TRAF1: variants seen among roughly 807,000 people sequenced by gnomAD.
TRAF1 encodes TNF receptor-associated factor 1.
A neutral mutation model predicts 40.9 loss-of-function variants in TRAF1; 23 were observed. The ratio of observed to expected loss-of-function variants is 0.56; its 90% CI spans 0.40 to 0.80. TRAF1 has a LOEUF of 0.80. Among genes scored for constraint, TRAF1 ranks in the 30% least tolerant of loss-of-function variants. TRAF1 has a pLI of 0.00. For missense variants in TRAF1, 477 were observed against 528.7 expected (o/e 0.90, Z 0.96); for synonymous variants, 206 against 218.8 (o/e 0.94, Z 0.52).
At chr9:120,910,106 G>A (rs933227273) in intron 6 of TRAF1, among the ~76,000 whole-genome samples, 14 of 152,340 alleles carry the variant, frequency 9.2e-5, no homozygotes, top group African/African-American at 2.2e-4. Context: ...CTGGCAGAGC[G>A]CCCTTCTGGG....
intron 3 of TRAF1, among the ~76,000 whole-genome samples, chr9:120,921,138 G>C (rs942933769): frequency 3.9e-5 from 6 of 152,264 alleles, no homozygotes; most frequent in Middle Eastern, 6.8e-3. Context: ...ATTAAAGAAG[G>C]CTTCTTTGCT....
In TRAF1 at chr9:120,926,267, G is replaced by T; in HGVS notation, c.-192C>A. The T allele has an allele frequency of 1.9e-6, 1 of 525,166 alleles. No homozygotes were observed. Among genetic ancestry groups the T allele is most frequent in the Non-Finnish European group, 3.1e-6 (1 of 323,608 alleles). The allele number at this position is 525,166 out of a possible 1,614,324, so 32.5% of individuals were successfully genotyped here. A position where few individuals can be genotyped will look rare whatever the true frequency, so the allele number is the denominator to read the frequency against. The stretch of plus-strand genomic sequence containing the variant: ...AGGGATGGAGCAGGAATTACCCTTT[G>T]TGGCGATAAAAATCCCCTGGATGGT... On this transcript the variant is annotated 5_prime_UTR_variant, in exon 2 of 8. Coordinates refer to ENST00000373887, the MANE Select transcript of TRAF1 (RefSeq NM_005658.5).
At chr9:120,906,412 C>T (rs1377488956) in intron 7 of TRAF1, among the ~76,000 whole-genome samples, 1 of 152,122 alleles carries the variant, frequency 6.6e-6, no homozygotes, top group Non-Finnish European at 1.5e-5. Flanking sequence ...CTGCTGACCT[C>T]AGGTGATCCA....
chr9:120,903,955 G>A lies in TRAF1; in HGVS notation c.*1065C>T, dbSNP rs1440785590. ...AACAACTCCCAAACCATACACTTTA[G>A]GAAAACTTCGAAAGAGATTCTAAAA... is the stretch of plus-strand genomic sequence containing the variant. On this transcript the variant is annotated 3_prime_UTR_variant, in exon 8 of 8. Transcript: ENST00000373887. 3 of 152,222 alleles carry A rather than the reference G, an allele frequency of 2.0e-5. No individual in the cohort carries two copies. Among genetic ancestry groups the A allele is most frequent in the African/African-American group, 4.8e-5 (2 of 41,442 alleles). The allele number at this position is 152,222 out of a possible 1,614,324, so 9.4% of individuals were successfully genotyped here. A position where few individuals can be genotyped will look rare whatever the true frequency, so the allele number is the denominator to read the frequency against.
chr9:120,912,884 A>G (rs1317425055), intron 5 of TRAF1, among the ~76,000 whole-genome samples: 1 of 152,172 alleles, frequency 6.6e-6, no homozygotes, highest in Non-Finnish European at 1.5e-5. Context: ...TTAGCCTGAA[A>G]AGGGAAGCAC....
At chr9:120,924,496 C>A (rs1361404330) in intron 2 of TRAF1, among the ~76,000 whole-genome samples, 1 of 152,124 alleles carries the variant, frequency 6.6e-6, no homozygotes, top group Admixed American at 6.5e-5. Context: ...CTCACTGCAA[C>A]CTCTGCCTCC....
chr9:120,915,307 C>A (rs1288251836), intron 3 of TRAF1, among the ~76,000 whole-genome samples: 3 of 152,148 alleles, frequency 2.0e-5, no homozygotes, highest in African/African-American at 7.2e-5. Flanking sequence ...AGCACGTGAC[C>A]ATACTGAATA....
At chr9:120,924,397 G>GT (rs578019591) in intron 2 of TRAF1, among the ~76,000 whole-genome samples, 29 of 152,118 alleles carry the variant, frequency 1.9e-4, no homozygotes, top group African/African-American at 6.7e-4. Context: ...GTACCCGTGG[G>GT]TTTTTTGTCT....
At chr9:120,922,605 C>T (rs2046612461) in intron 3 of TRAF1, among the ~76,000 whole-genome samples, 1 of 152,108 alleles carries the variant, frequency 6.6e-6, no homozygotes, top group Non-Finnish European at 1.5e-5. Context: ...GTCTCTCTGG[C>T]CTATCACACT....
intron 3 of TRAF1, among the ~76,000 whole-genome samples, chr9:120,916,228 G>A (rs1043340337): frequency 9.8e-5 from 15 of 152,286 alleles, no homozygotes; most frequent in East Asian, 7.7e-4. Flanking sequence ...CCATTCTTAC[G>A]AGCTTCTAGC....
At chr9:120,911,228 C>G in intron 6 of TRAF1, 108 bp downstream of exon 6, 1 of 1,333,446 alleles carries the variant, frequency 7.5e-7, no homozygotes, top group Non-Finnish European at 1.0e-6. Flanking sequence ...CTGGCCTAAA[C>G]TGGACACAGC....
intron 2 of TRAF1, 26 bp from the exon 3 acceptor site, chr9:120,923,818 G>C: frequency 6.2e-7 from 1 of 1,608,118 alleles, no homozygotes. Context: ...CAAAGCCTTG[G>C]AGAGAGGCAC....
At chr9:120,920,600 TC>T (rs1452112529) in intron 3 of TRAF1, among the ~76,000 whole-genome samples, 3 of 152,216 alleles carry the variant, frequency 2.0e-5, no homozygotes, top group Non-Finnish European at 4.4e-5. Flanking sequence ...CCCCCTGGCA[TC>T]CCCTCCTTCA....
intron 1 of TRAF1, 60 bp from the exon 2 acceptor site, chr9:120,926,361 G>A: frequency 3.8e-6 from 1 of 261,640 alleles, no homozygotes; most frequent in Non-Finnish European, 7.2e-6. Flanking sequence ...AAGAGAGCAA[G>A]TCAGAGAAAA....
rs1479324666 is a variant in TRAF1 at position 120,909,246 on chromosome 9, C to T, written c.1016G>A (p.Trp339Ter). The part of the protein sequence containing the change: ...MRGEYDALLP[W>*]PFRNKVTFML... ...CACCCATACCTTGTTCCGGAAGGGC[C>T]ACGGCAGCAGCGCATCATACTCCCC... Residue 339 changes from tryptophan (W) to a stop codon, truncating the protein, a stop_gained, in exon 7 of 8, where the codon TGG (tryptophan) becomes TAG (stop). Coordinates refer to ENST00000373887, the MANE Select transcript of TRAF1 (RefSeq NM_005658.5). LOFTEE classifies it high-confidence loss of function. 12 of 1,613,894 alleles carry T rather than the reference C, an allele frequency of 7.4e-6. No homozygotes were observed. Among genetic ancestry groups the T allele is most frequent in the Admixed American group, 6.7e-5 (4 of 59,994 alleles).
intron 7 of TRAF1, among the ~76,000 whole-genome samples, chr9:120,906,330 C>T (rs2046482629): frequency 6.6e-6 from 1 of 151,968 alleles, no homozygotes; most frequent in African/African-American, 2.4e-5. Context: ...CAGGCATGTA[C>T]CACTATGCCC....
intron 5 of TRAF1, among the ~76,000 whole-genome samples, chr9:120,911,733 C>T (rs749627796): frequency 1.2e-4 from 18 of 152,228 alleles, no homozygotes; most frequent in Non-Finnish European, 1.8e-4. Flanking sequence ...AAGCCTTCAA[C>T]CACTGTCCTA....
rs571005219 is a variant in TRAF1 at position 120,902,925 on chromosome 9, T to G, written c.*2095A>C. On this transcript the variant is annotated 3_prime_UTR_variant, in exon 8 of 8. Transcript: ENST00000373887. ...GCTTTGCTGAAAGAATGGCTGCATC[T>G]CATGCTCTTTGAAGAGAGTATGTAT... 6.6e-6 allele frequency: 1 copy of G among 152,366 alleles called. No homozygotes were observed. The highest frequency in any genetic ancestry group is 2.1e-4 in the South Asian group (1 of 4,830). 9.4% of individuals were successfully genotyped at this position (152,366 alleles called of 1,614,324 possible). A position where few individuals can be genotyped will look rare whatever the true frequency, so the allele number is the denominator to read the frequency against.
rs369468327 is a variant in TRAF1, at chr9:120,914,264, G to A, written c.265C>T (p.Pro89Ser). 6.5e-7 allele frequency: 1 copy of A among 1,535,154 alleles called. No homozygotes were observed. Among genetic ancestry groups the A allele is most frequent in the South Asian group, 1.2e-5 (1 of 80,440 alleles). ...PEVAEAGIGC[P>S]FAGVGCSFKG... ...AAGGAGCAGCCGACACCTGCAAAGG[G>A]GCACCCAATTCCAGCCTCAGCCACC... The change falls in exon 4 of 8, where the codon CCC (proline) becomes TCC (serine). Residue 89 changes from proline to serine, a missense_variant. Coordinates refer to ENST00000373887, the MANE Select transcript of TRAF1 (RefSeq NM_005658.5).
Sources: allele counts gnomAD v4.1 joint callset (sites outside exome capture counted in the v4.1 genomes callset), GRCh38; gene constraint gnomAD v4.1.1; transcripts MANE v1.5; gene names NCBI Gene and HGNC (gene_info 2026-07-23, HGNC 2026-07-21).